FOXN3: variants seen among roughly 807,000 people sequenced by gnomAD.
FOXN3 encodes forkhead box N3, also known as forkhead box protein N3.
In FOXN3, 7 loss-of-function variants were observed where a neutral mutation model predicts 38.4. The observed-to-expected ratio is 0.18, with a 90% CI of 0.10 to 0.34. The LOEUF (loss-of-function observed/expected upper bound fraction) is 0.34. Ranked by LOEUF, FOXN3 falls within the 10% of genes least tolerant of loss-of-function variation. The pLI is 1.00. For synonymous variants in FOXN3, 230 were observed against 242.2 expected, an observed-to-expected ratio of 0.95 and a Z score of 0.47; for missense variants, 456 against 613.4, an observed-to-expected ratio of 0.74 and a Z score of 2.71.
chr14:89,371,942 G>A (rs1159561505), intron 2 of FOXN3, among the ~76,000 whole-genome samples: 1 of 152,086 alleles, frequency 6.6e-6, no homozygotes, highest in Non-Finnish European at 1.5e-5. Flanking sequence ...CCTGGGGGTA[G>A]CCTGCCATCC....
chr14:89,357,754 A>G (rs1372055503), intron 2 of FOXN3, among the ~76,000 whole-genome samples: 3 of 152,224 alleles, frequency 2.0e-5, no homozygotes, highest in Non-Finnish European at 4.4e-5. Flanking sequence ...ATGTATATAA[A>G]CATATACTAA....
chr14:89,441,518 C>A (rs542701092), intron 1 of FOXN3, among the ~76,000 whole-genome samples: 2 of 152,166 alleles, frequency 1.3e-5, no homozygotes, highest in Admixed American at 1.3e-4. Context: ...AAAATAGCCT[C>A]GCTGATCATT....
At chr14:89,380,372 G>C (rs1890609312) in intron 2 of FOXN3, among the ~76,000 whole-genome samples, 1 of 152,136 alleles carries the variant, frequency 6.6e-6, no homozygotes, top group Non-Finnish European at 1.5e-5. Context: ...CCAGTCTCAG[G>C]TATGTCTTTA....
At chr14:89,331,745 C>A (rs1419698991) in intron 3 of FOXN3, among the ~76,000 whole-genome samples, 1 of 152,204 alleles carries the variant, frequency 6.6e-6, no homozygotes, top group Non-Finnish European at 1.5e-5. Context: ...ATAACTGAAA[C>A]AAAGGTTTCA....
intron 1 of FOXN3, among the ~76,000 whole-genome samples, chr14:89,516,790 C>T (rs1393826373): frequency 6.6e-6 from 1 of 152,058 alleles, no homozygotes; most frequent in African/African-American, 2.4e-5. Flanking sequence ...CTCAAACTCC[C>T]GAGCTCAAGC....
chr14:89,215,199 A>ATTTTTT (rs11442203), intron 4 of FOXN3, among the ~76,000 whole-genome samples: 2 of 145,888 alleles, frequency 1.4e-5, no homozygotes, highest in Non-Finnish European at 1.5e-5. Context: ...AAGGAACCCA[A>ATTTTTT]TTTTTTTTTT....
intron 4 of FOXN3, among the ~76,000 whole-genome samples, chr14:89,205,753 A>T (rs1888366316): frequency 6.6e-6 from 1 of 152,200 alleles, no homozygotes; most frequent in African/African-American, 2.4e-5. Flanking sequence ...GCCCTGTAAC[A>T]CACGCCCACC....
At chr14:89,457,892 T>C (rs961339464) in intron 1 of FOXN3, among the ~76,000 whole-genome samples, 3 of 152,102 alleles carry the variant, frequency 2.0e-5, no homozygotes, top group African/African-American at 7.2e-5. Context: ...CACATGCCTG[T>C]AATCCCAGCT....
intron 2 of FOXN3, among the ~76,000 whole-genome samples, chr14:89,373,967 G>T (rs569839065): frequency 5.9e-5 from 9 of 152,216 alleles, no homozygotes; most frequent in African/African-American, 2.2e-4. Context: ...TTCACAAATA[G>T]TAAGAATGTA....
At chr14:89,226,082 G>A (rs1884628082) in intron 4 of FOXN3, among the ~76,000 whole-genome samples, 1 of 132,098 alleles carries the variant, frequency 7.6e-6, no homozygotes. Context: ...CCATTCTGAT[G>A]AGAAATTAGT....
intron 1 of FOXN3, among the ~76,000 whole-genome samples, chr14:89,474,843 T>C (rs1425147121): frequency 6.6e-6 from 1 of 152,184 alleles, no homozygotes; most frequent in Admixed American, 6.5e-5. Flanking sequence ...TGAGATGCCG[T>C]CTTGCTCTAT....
intron 1 of FOXN3, among the ~76,000 whole-genome samples, chr14:89,490,813 C>T (rs995459762): frequency 2.0e-5 from 3 of 152,212 alleles, no homozygotes; most frequent in Non-Finnish European, 2.9e-5. Flanking sequence ...CATTTGACAA[C>T]TGGTCCACAA....
chr14:89,605,857 G>C (rs541094192), intron 1 of FOXN3, among the ~76,000 whole-genome samples: 5 of 152,126 alleles, frequency 3.3e-5, no homozygotes, highest in Non-Finnish European at 5.9e-5. Flanking sequence ...GCTCACACTT[G>C]TAATACCAGC....
At chr14:89,295,762 A>ATTTTTTTTTTTTT (rs1032063820) in intron 3 of FOXN3, among the ~76,000 whole-genome samples, 23 of 123,210 alleles carry the variant, frequency 1.9e-4, no homozygotes, top group South Asian at 2.5e-4. Context: ...TAATTTTTGC[A>ATTTTTTTTTTTTT]TTTTTTTTTT....
intron 1 of FOXN3, among the ~76,000 whole-genome samples, chr14:89,413,921 G>A (rs1891617735): frequency 7.2e-6 from 1 of 138,714 alleles, no homozygotes; most frequent in South Asian, 2.6e-4. Context: ...GGAGGAAGGA[G>A]GAAGAAGCGG....
At chr14:89,288,604 C>T (rs1353734876) in intron 3 of FOXN3, among the ~76,000 whole-genome samples, 1 of 148,222 alleles carries the variant, frequency 6.7e-6, no homozygotes, top group African/African-American at 2.5e-5. Flanking sequence ...CCAAATACTA[C>T]ACAGATATAG....
chr14:89,411,934 C>A lies in FOXN3; in HGVS notation c.543G>T (p.Gln181His). 6.9e-7 allele frequency: 1 copy of A among 1,458,186 alleles called. No homozygotes were observed. The highest frequency in any genetic ancestry group is 1.6e-5 in the South Asian group (1 of 62,518). 90.3% of individuals were successfully genotyped at this position (1,458,186 alleles called of 1,614,324 possible). The change falls in exon 2 of 6, where the codon CAG becomes CAT. Residue 181 changes from glutamine to histidine, a missense_variant and splice_region_variant. Gln to His is a conservative substitution (Grantham distance 24). Transcript: ENST00000557258. ...TTGGGTTCCAGACACAGAGGCTTACCTGACTCCTCTCTTTGTCCACTTTCT... is the reference window on the plus strand; with the variant it reads ...TTGGGTTCCAGACACAGAGGCTTACATGACTCCTCTCTTTGTCCACTTTCT... Reference protein sequence around the residue: ...CFKKVDKERSQSIGKGSLWCI... With the variant: ...CFKKVDKERSHSIGKGSLWCI...
intron 2 of FOXN3, among the ~76,000 whole-genome samples, chr14:89,381,067 AG>A (rs1472148442): frequency 6.9e-6 from 1 of 144,440 alleles, no homozygotes; most frequent in African/African-American, 2.5e-5. Flanking sequence ...ACCTGAACCC[AG>A]GAAGCAGCGA....
intron 1 of FOXN3, among the ~76,000 whole-genome samples, chr14:89,546,819 T>C (rs555300434): frequency 1.3e-5 from 2 of 152,236 alleles, no homozygotes; most frequent in African/African-American, 2.4e-5. Flanking sequence ...AGTCTCGCTC[T>C]GTCAGCCAGT....
Sources: gnomAD v4.1 joint callset for allele counts (sites outside exome capture counted in the v4.1 genomes callset) on GRCh38, gnomAD v4.1.1 for gene constraint, MANE v1.5 for transcripts, NCBI Gene and HGNC (gene_info 2026-07-23, HGNC 2026-07-21) for gene names.